Variants in SYTL3 observed in about 807,000 individuals in gnomAD.
The protein encoded by SYTL3 is synaptotagmin-like protein 3.
Under a neutral mutation model 82.1 loss-of-function variants are expected in SYTL3, and 88 were observed. The observed-to-expected ratio is 1.07, with a 90% CI of 0.90 to 1.28. The LOEUF is 1.28. Among genes scored for constraint, SYTL3 ranks in the 50% most tolerant of loss-of-function variants. The pLI is 0.00. For synonymous variants in SYTL3, 311 were observed against 289.4 expected (o/e 1.07, Z -0.76); for missense variants, 831 against 757.6 (o/e 1.10, Z -1.14).
chr6:158,665,081 C>A (rs1789867203), intron 4 of SYTL3, among the ~76,000 whole-genome samples: 1 of 152,204 alleles, frequency 6.6e-6, no homozygotes, highest in African/African-American at 2.4e-5. Flanking sequence ...TCATAACAGC[C>A]TTTGGGCAGG....
intron 6 of SYTL3, among the ~76,000 whole-genome samples, chr6:158,705,446 G>A (rs1314445543): frequency 5.7e-5 from 8 of 139,148 alleles, no homozygotes; most frequent in South Asian, 4.6e-4. Context: ...ACTGAGGGCC[G>A]TAAGGTCACA....
chr6:158,667,874 A>G (rs1790272111), intron 5 of SYTL3, among the ~76,000 whole-genome samples: 1 of 152,150 alleles, frequency 6.6e-6, no homozygotes, highest in African/African-American at 2.4e-5. Flanking sequence ...GTCTTCAGGG[A>G]AGGTTTTCTC....
At chr6:158,680,575 C>CAAAAAAAAAAAAAAA (rs71297002) in intron 5 of SYTL3, among the ~76,000 whole-genome samples, 6 of 78,252 alleles carry the variant, frequency 7.7e-5, no homozygotes, top group Admixed American at 1.6e-4. Flanking sequence ...CCCGTCTCTA[C>CAAAAAAAAAAAAAAA]AAAAAAAAAA....
intron 6 of SYTL3, among the ~76,000 whole-genome samples, chr6:158,702,609 C>T (rs1018272629): frequency 2.0e-5 from 3 of 151,838 alleles, no homozygotes; most frequent in Admixed American, 6.6e-5. Context: ...TCCAGGTGGT[C>T]GTTTCCCCCC....
chr6:158,749,532 T>A (rs1314306676), intron 12 of SYTL3, among the ~76,000 whole-genome samples: 24 of 132,010 alleles, frequency 1.8e-4, no homozygotes, highest in African/African-American at 5.2e-4. Context: ...TTTTTTTTTT[T>A]AAGAAATGAG....
rs779946369 is a variant in SYTL3 at position 158,745,610 on chromosome 6, C to T, written c.986C>T (p.Ala329Val). 1.9e-5 allele frequency: 30 copies of T among 1,611,572 alleles called. No homozygotes were observed. The South Asian group carries it at 3.1e-4, about 17-fold the overall frequency. Residue 329 changes from alanine to valine, a missense_variant, in exon 12 of 18, where the codon GCC becomes GTC. Coordinates refer to ENST00000611299, the MANE Select transcript of SYTL3 (RefSeq NM_001242394.2). ...KTHSLEICIK[A>V]CKNLAYGEEK... ...CATTCTTTAGAAATATGCATCAAGG[C>T]CTGTAAGAACCTTGCCTATGGAGAA...
intron 16 of SYTL3, among the ~76,000 whole-genome samples, chr6:158,762,658 T>G (rs1790130306): frequency 6.6e-6 from 1 of 152,200 alleles, no homozygotes; most frequent in African/African-American, 2.4e-5. Context: ...GGCTCGTGCC[T>G]GTAATCCCAG....
intron 6 of SYTL3, among the ~76,000 whole-genome samples, chr6:158,687,341 C>T (rs1779404385): frequency 6.6e-6 from 1 of 152,184 alleles, no homozygotes. Flanking sequence ...GTCCTCATGA[C>T]ATGGCGGCTG....
At position 158,744,004 on chromosome 6, in the gene SYTL3, T is replaced by C. The variant is rs368632414; in HGVS notation, c.856-1476T>C. Among the ~76,000 whole-genome samples, 35 of 151,978 alleles carry C rather than the reference T, an allele frequency of 2.3e-4. 1 individual carries two copies. Among genetic ancestry groups the C allele is most frequent in the East Asian group, 2.1e-3 (11 of 5,140 alleles). ...TACAATCTCAGTTCACTGCAACCTC[T>C]GCCTCCCAGGTTAAAGCAATTCTTA... On this transcript the variant is annotated intron_variant, in intron 11 of 17. Transcript: ENST00000611299.
chr6:158,668,931 AG>A (rs1777050038), intron 5 of SYTL3, among the ~76,000 whole-genome samples: 1 of 152,202 alleles, frequency 6.6e-6, no homozygotes, highest in African/African-American at 2.4e-5. Flanking sequence ...GAAAGGACTT[AG>A]AAGAACCAAG....
chr6:158,733,531 G>A (rs1370447704), intron 11 of SYTL3, among the ~76,000 whole-genome samples: 1 of 151,900 alleles, frequency 6.6e-6, no homozygotes, highest in Non-Finnish European at 1.5e-5. Context: ...GTTTCACTGT[G>A]TTAGCCAGGA....
At chr6:158,715,820 T>A (rs1266641465) in intron 9 of SYTL3, among the ~76,000 whole-genome samples, 2 of 152,118 alleles carry the variant, frequency 1.3e-5, no homozygotes, top group African/African-American at 4.8e-5. Context: ...CTTAGCGTCC[T>A]GTAGGCGCTG....
intron 6 of SYTL3, among the ~76,000 whole-genome samples, chr6:158,701,299 A>G (rs1425737175): frequency 2.0e-3 from 18 of 8,846 alleles, no homozygotes; most frequent in South Asian, 0.011. Context: ...GGTGTAGATG[A>G]AGGAGTGTGA....
chr6:158,725,794 G>T, intron 11 of SYTL3, 157 bp downstream of exon 11: 12 of 1,031,488 alleles, frequency 1.2e-5, no homozygotes, highest in Non-Finnish European at 1.7e-5. Flanking sequence ...TTCCTTAAAG[G>T]CTTCCACAGG....
At chr6:158,682,705 A>G (rs527642207) in intron 5 of SYTL3, among the ~76,000 whole-genome samples, 1 of 152,302 alleles carries the variant, frequency 6.6e-6, no homozygotes, top group South Asian at 2.1e-4. Flanking sequence ...ATGCAAGATA[A>G]AACACATAGC....
At chr6:158,757,125 G>A in intron 13 of SYTL3, 86 bp from the exon 14 acceptor site, 2 of 1,377,590 alleles carry the variant, frequency 1.5e-6, no homozygotes, top group East Asian at 4.9e-5. Flanking sequence ...GGGAAGTGGG[G>A]CCCTGGAAGG....
intron 11 of SYTL3, among the ~76,000 whole-genome samples, chr6:158,728,853 C>T (rs1302268944): frequency 6.6e-6 from 1 of 151,934 alleles, no homozygotes; most frequent in Non-Finnish European, 1.5e-5. Context: ...GAAACCTCGT[C>T]TCTATTAAAA....
intron 6 of SYTL3, among the ~76,000 whole-genome samples, chr6:158,706,649 T>C (rs1176610339): frequency 6.6e-6 from 1 of 152,176 alleles, no homozygotes; most frequent in Non-Finnish European, 1.5e-5. Flanking sequence ...TTCACAGAAC[T>C]GGGAACATGC....
At chr6:158,747,119 TG>T (rs1248563683) in intron 12 of SYTL3, among the ~76,000 whole-genome samples, 2 of 152,256 alleles carry the variant, frequency 1.3e-5, no homozygotes, top group East Asian at 1.9e-4. Flanking sequence ...CCTGAGTAGC[TG>T]GGATTACAGG....
Sources: allele counts gnomAD v4.1 joint callset (sites outside exome capture counted in the v4.1 genomes callset), GRCh38; gene constraint gnomAD v4.1.1; transcripts MANE v1.5; gene names NCBI Gene and HGNC (gene_info 2026-07-23, HGNC 2026-07-21).